The following SLC16A2 variants were observed in gnomAD, a reference collection of about 807,000 sequenced individuals.
The protein encoded by SLC16A2 is solute carrier family 16 member 2, also known as monocarboxylate transporter 8.
In SLC16A2, 3 loss-of-function variants were observed where a neutral mutation model predicts 27.2. The observed-to-expected ratio is 0.11, with a 90% CI of 0.05 to 0.28. The LOEUF (loss-of-function observed/expected upper bound fraction) is 0.28. SLC16A2 is among the 10% of genes least tolerant of loss of function. The probability of loss-of-function intolerance (pLI) is 1.00; values close to 1 mark genes in which losing one functional copy is unlikely to be tolerated. For synonymous variants in SLC16A2, 202 were observed against 187.8 expected (o/e 1.08, Z -0.62); for missense variants, 295 against 458.5 (o/e 0.64, Z 3.26).
intron 1 of SLC16A2, among the ~76,000 whole-genome samples, chrX:74,517,069 T>C (rs1174942658): frequency 8.9e-6 from 1 of 111,816 alleles, no homozygotes; most frequent in African/African-American, 3.3e-5. Flanking sequence ...GATGGAATAG[T>C]TCTGTATCTT....
chrX:74,492,219 C>A (rs893315186), intron 1 of SLC16A2, among the ~76,000 whole-genome samples: 1 of 111,447 alleles, frequency 9.0e-6, no homozygotes, highest in African/African-American at 3.3e-5. Context: ...GAGGGGGACT[C>A]ATAGAAGAGA....
intron 1 of SLC16A2, among the ~76,000 whole-genome samples, chrX:74,486,983 G>A (rs996378195): frequency 6.3e-5 from 7 of 111,621 alleles, no homozygotes; most frequent in Non-Finnish European, 1.1e-4. Flanking sequence ...ACTATCGAAA[G>A]GATTATAAAT....
At chrX:74,480,042 T>C (rs1324711553) in intron 1 of SLC16A2, among the ~76,000 whole-genome samples, 1 of 112,312 alleles carries the variant, frequency 8.9e-6, no homozygotes, top group Non-Finnish European at 1.9e-5. Flanking sequence ...TCTGCAGGAT[T>C]TCTGCTGCCT....
At chrX:74,494,581 T>G (rs1929898958) in intron 1 of SLC16A2, among the ~76,000 whole-genome samples, 1 of 111,839 alleles carries the variant, frequency 8.9e-6, no homozygotes, top group Non-Finnish European at 1.9e-5. Context: ...TTTCCACTTT[T>G]TGTAGTCAGG....
At chrX:74,506,879 G>A (rs1411841920) in intron 1 of SLC16A2, among the ~76,000 whole-genome samples, 1 of 110,331 alleles carries the variant, frequency 9.1e-6, no homozygotes, top group East Asian at 2.8e-4. Context: ...TCCTCTCTGA[G>A]CTTCAGTGTT....
intron 1 of SLC16A2, among the ~76,000 whole-genome samples, chrX:74,422,887 C>G (rs1344028853): frequency 8.9e-6 from 1 of 112,869 alleles, no homozygotes; most frequent in African/African-American, 3.2e-5. Context: ...CCCTGCCTTC[C>G]CCGGCAACCC....
intron 1 of SLC16A2, among the ~76,000 whole-genome samples, chrX:74,424,367 C>T (rs1190625118): frequency 3.6e-5 from 4 of 111,259 alleles, no homozygotes; most frequent in Non-Finnish European, 7.5e-5. Context: ...AAGTCAGGAA[C>T]ACCCTATCAC....
chrX:74,478,054 G>C (rs187442284), intron 1 of SLC16A2, among the ~76,000 whole-genome samples: 259 of 111,729 alleles, frequency 2.3e-3, no homozygotes, highest in Non-Finnish European at 4.0e-3. Flanking sequence ...TTAACTTTCT[G>C]TCTCATTGAT....
At chrX:74,496,276 GCACA>G (rs58357405) in intron 1 of SLC16A2, among the ~76,000 whole-genome samples, 1 of 37,102 alleles carries the variant, frequency 2.7e-5, no homozygotes, top group Admixed American at 3.0e-4. Flanking sequence ...ACACACACAC[GCACA>G]CACACACACA....
chrX:74,511,683 A>G (rs748976266), intron 1 of SLC16A2, among the ~76,000 whole-genome samples: 85 of 112,561 alleles, frequency 7.6e-4, no homozygotes, highest in Non-Finnish European at 1.3e-3. Context: ...GACACAATGG[A>G]TGGATGGTGA....
chrX:74,486,985 A>T (rs529441230), intron 1 of SLC16A2, among the ~76,000 whole-genome samples: 4 of 112,267 alleles, frequency 3.6e-5, no homozygotes, highest in African/African-American at 1.3e-4. Flanking sequence ...TATCGAAAGG[A>T]TTATAAATCA....
In SLC16A2 at chrX:74,439,532, C is replaced by G. The variant is rs1198363359; in HGVS notation, c.430+17465C>G. Among the ~76,000 whole-genome samples, 15 of 96,608 alleles carry G rather than the reference C, an allele frequency of 1.6e-4. No homozygotes were observed. The Admixed American group carries it at 1.8e-3, about 12-fold the overall frequency. The allele number at this position is 96,608 out of a possible 115,157, so 83.9% of individuals were successfully genotyped here. A position where few individuals can be genotyped will look rare whatever the true frequency, so the allele number is the denominator to read the frequency against. ...GTCTCACTGGTCTCAAACTCTTAGG[C>G]TCAAGTGATCCTCCTGCCTCAACCT... On this transcript the variant is annotated intron_variant, in intron 1 of 5. Transcript: ENST00000587091.
chrX:74,477,112 C>A (rs775541828), intron 1 of SLC16A2: 1 of 111,134 alleles, frequency 9.0e-6, no homozygotes, highest in Admixed American at 9.6e-5. Flanking sequence ...TGGTCTTGGA[C>A]TTTTTTTTGG....
rs768224712 is a variant in SLC16A2 at position 74,450,516 on chromosome X, C to T, written c.430+28449C>T. On this transcript the variant is annotated intron_variant, in intron 1 of 5. Coordinates refer to ENST00000587091, the MANE Select transcript of SLC16A2 (RefSeq NM_006517.5). ...TCTTGTACCAAATACCACTTGCCGC[C>T]ACCACCCCTGCTCTGCCCCGCCCCA... Among the ~76,000 whole-genome samples, 26 of 111,505 alleles carry T rather than the reference C, an allele frequency of 2.3e-4. 1 individual carries two copies. The South Asian group carries it at 9.9e-3, about 43-fold the overall frequency.
intron 1 of SLC16A2, among the ~76,000 whole-genome samples, chrX:74,485,528 A>AGGCTGCTCCCAAGATGGGGC (rs1929700243): frequency 9.0e-6 from 1 of 110,675 alleles, no homozygotes; most frequent in Admixed American, 9.7e-5. Flanking sequence ...AGATGGTGGA[A>AGGCTGCTCCCAAGATGGGGC]GGCTGCTCCC....
Position 74,463,105 on chromosome X carries a change from G to T in SLC16A2, c.430+41038G>T, listed in dbSNP as rs185645293. On this transcript the variant is annotated intron_variant, in intron 1 of 5. Coordinates refer to ENST00000587091, the MANE Select transcript of SLC16A2 (RefSeq NM_006517.5). Reference sequence around the variant, plus strand: ...CTAGAGATTCTTCAGATTTTTCCAGGGACTACTGCAGAGGGAGAGGATGGA... The same window carrying T: ...CTAGAGATTCTTCAGATTTTTCCAGTGACTACTGCAGAGGGAGAGGATGGA... 2.0e-3 allele frequency among the ~76,000 whole-genome samples: 219 copies of T among 111,283 alleles called. 1 individual carries two copies. Among genetic ancestry groups the T allele is most frequent in the African/African-American group, 6.0e-3 (185 of 30,675 alleles).
chrX:74,480,878 A>T, intron 1 of SLC16A2, among the ~76,000 whole-genome samples: 1 of 112,223 alleles, frequency 8.9e-6, no homozygotes, highest in Non-Finnish European at 1.9e-5. Flanking sequence ...ATAGATGACC[A>T]TTATCATGTT....
intron 1 of SLC16A2, among the ~76,000 whole-genome samples, chrX:74,514,683 CTG>C (rs1930288775): frequency 8.9e-6 from 1 of 111,804 alleles, no homozygotes; most frequent in Non-Finnish European, 1.9e-5. Context: ...AAGTAGGAAA[CTG>C]GGACTTTCAC....
intron 1 of SLC16A2, among the ~76,000 whole-genome samples, chrX:74,430,358 G>C (rs143831609): frequency 1.8e-5 from 2 of 111,662 alleles, no homozygotes; most frequent in Non-Finnish European, 3.8e-5. Context: ...GGTGTAGGGG[G>C]CAACTACCAA....
Sources: allele counts gnomAD v4.1 joint callset (sites outside exome capture counted in the v4.1 genomes callset), GRCh38; gene constraint gnomAD v4.1.1; transcripts MANE v1.5; gene names NCBI Gene and HGNC (gene_info 2026-07-23, HGNC 2026-07-21).